MS4A14: variants seen among roughly 807,000 people sequenced by gnomAD.
MS4A14 encodes membrane spanning 4-domains A14.
A neutral mutation model predicts 16.7 loss-of-function variants in MS4A14; 18 were observed. The ratio of observed to expected loss-of-function variants is 1.08; its 90% CI spans 0.75 to 1.60. The LOEUF (loss-of-function observed/expected upper bound fraction) is 1.60, where lower values mean the gene tolerates loss of function less well. Ranked by LOEUF, MS4A14 falls within the 40% of genes most tolerant of loss-of-function variation. The pLI is 0.00. For missense variants in MS4A14, 812 were observed against 775.3 expected (o/e 1.05, Z -0.56); for synonymous variants, 305 against 289.4 (o/e 1.05, Z -0.55).
intron 4 of MS4A14, among the ~76,000 whole-genome samples, chr11:60,409,194 C>T (rs753700609): frequency 3.3e-5 from 5 of 152,186 alleles, no homozygotes; most frequent in African/African-American, 7.2e-5. Context: ...ATATACACTA[C>T]GTTGTAATTT....
At chr11:60,397,456 G>C (rs1367269687) in intron 1 of MS4A14, among the ~76,000 whole-genome samples, 4 of 152,086 alleles carry the variant, frequency 2.6e-5, no homozygotes, top group Non-Finnish European at 5.9e-5. Context: ...GGTGGGGGCT[G>C]TTAGGATAAT....
intron 4 of MS4A14, among the ~76,000 whole-genome samples, chr11:60,409,320 C>T (rs891933669): frequency 1.6e-4 from 24 of 151,990 alleles, no homozygotes; most frequent in African/African-American, 5.6e-4. Context: ...GTCCTCCCAT[C>T]CTCCCTACCT....
rs2085652453 is a variant in MS4A14 at position 60,397,890 on chromosome 11, TG to T, written c.179del (p.Gly60GlufsTer39). 3 of 1,613,144 alleles carry T rather than the reference TG, an allele frequency of 1.9e-6. No homozygotes were observed. ...TGCTTGCTCTAATCATTGTGGGCTTTGGAACTATATTTGCACTTAATTACAT... is the reference window on the plus strand; with the variant it reads ...TGCTTGCTCTAATCATTGTGGGCTTTGAACTATATTTGCACTTAATTACAT... ...ILLALIIVGF[G>X]TIFALNYIGF... On this transcript the variant is annotated frameshift_variant, in exon 2 of 5. Transcript: ENST00000300187. LOFTEE classifies it high-confidence loss of function.
chr11:60,405,747 T>C, intron 4 of MS4A14: 1 of 560,386 alleles, frequency 1.8e-6, no homozygotes, highest in Non-Finnish European at 3.1e-6. Context: ...AGATGAAAAT[T>C]GTGCAGTGTC....
At chr11:60,414,671 A>G (rs891340156) in intron 4 of MS4A14, among the ~76,000 whole-genome samples, 3 of 152,120 alleles carry the variant, frequency 2.0e-5, no homozygotes, top group African/African-American at 7.2e-5. Context: ...TTGTAAAGGA[A>G]AGTCCAAATT....
rs768842124 is a variant in MS4A14 at position 60,416,868 on chromosome 11, G to A, written c.1900G>A (p.Glu634Lys). The part of the protein sequence containing the change: ...VQAEGQQAQV[E>K]KVPKLLCQDS... ...AGCCGAAGGACAGCAAGCTCAGGTG[G>A]AGAAAGTGCCAAAACTGTTATGCCA... Residue 634 changes from glutamate to lysine, a missense_variant, in exon 5 of 5, where the codon GAG (glutamate) becomes AAG (lysine). Transcript: ENST00000300187. 1 of 1,613,728 alleles carries A rather than the reference G, an allele frequency of 6.2e-7. No individual in the cohort carries two copies. The highest frequency in any genetic ancestry group is 8.5e-7 in the Non-Finnish European group (1 of 1,179,796).
chr11:60,415,451 G>C lies in MS4A14; in HGVS notation c.483G>C (p.Leu161Phe). ...TGCTTTTATAGGTTCTGTTTTTCTT[G>C]CCTTCGGATGTTACTCAAAATAGTG... ...SRTLFIVLFF[L>F]PSDVTQNSEQ... is the part of the protein sequence containing the mutation. Residue 161 changes from leucine (L) to phenylalanine (F), a missense_variant, in exon 5 of 5, where the codon TTG becomes TTC. Leu to Phe is a conservative substitution (Grantham distance 22). Transcript: ENST00000300187. The C allele has an allele frequency of 6.2e-7, 1 of 1,602,908 alleles. No individual in the cohort carries two copies. The highest frequency in any genetic ancestry group is 8.5e-7 in the Non-Finnish European group (1 of 1,175,788).
In MS4A14 at chr11:60,416,179, A is replaced by G. The variant is rs1328913839; in HGVS notation, c.1211A>G (p.Asp404Gly). 6.2e-7 allele frequency: 1 copy of G among 1,613,666 alleles called. No homozygotes were observed. Among genetic ancestry groups the G allele is most frequent in the Non-Finnish European group, 8.5e-7 (1 of 1,179,864 alleles). ...CCACCTCAAGACATACCTTCCCAAG[A>G]TATGCTATCCCAAGCTCTATCAGCG... Reference protein sequence around the residue: ...AMPPQDIPSQDMLSQALSAHA... With the variant: ...AMPPQDIPSQGMLSQALSAHA... Residue 404 changes from aspartate (D) to glycine (G), a missense_variant, in exon 5 of 5, where the codon GAT becomes GGT. Physicochemically the swap from Asp to Gly is moderately conservative, Grantham distance 94 (BLOSUM62 -1). Transcript: ENST00000300187.
At position 60,417,117 on chromosome 11, in the gene MS4A14, T is replaced by G; in HGVS notation, c.*109T>G. ...AAAGAAGCCCTAAAGCAGAAAGCTC[T>G]ATACCAAGAAGTCCAAACCCAGCAC... On this transcript the variant is annotated 3_prime_UTR_variant, in exon 5 of 5. Coordinates refer to ENST00000300187, the MANE Select transcript of MS4A14 (RefSeq NM_032597.5). 2 of 1,396,208 alleles carry G rather than the reference T, an allele frequency of 1.4e-6. No individual in the cohort carries two copies. Among genetic ancestry groups the G allele is most frequent in the Non-Finnish European group, 1.9e-6 (2 of 1,054,510 alleles). 86.5% of individuals were successfully genotyped at this position (1,396,208 alleles called of 1,614,324 possible). A position where few individuals can be genotyped will look rare whatever the true frequency, so the allele number is the denominator to read the frequency against.
intron 2 of MS4A14, 92 bp from the exon 3 acceptor site, chr11:60,400,312 A>G: frequency 1.3e-6 from 1 of 799,154 alleles, no homozygotes; most frequent in South Asian, 1.8e-5. Context: ...TTGGAGATTC[A>G]CAAACAGATA....
At chr11:60,406,209 A>G (rs2085784122) in intron 4 of MS4A14, among the ~76,000 whole-genome samples, 1 of 152,192 alleles carries the variant, frequency 6.6e-6, no homozygotes, top group African/African-American at 2.4e-5. Context: ...TATCTGCTTT[A>G]TACTCAGTCA....
chr11:60,409,678 T>C (rs1456842099), intron 4 of MS4A14, among the ~76,000 whole-genome samples: 1 of 151,536 alleles, frequency 6.6e-6, no homozygotes, highest in Non-Finnish European at 1.5e-5. Flanking sequence ...CTGCAGTAAA[T>C]ATGGGAGTAC....
At chr11:60,400,104 G>A (rs1450691138) in intron 2 of MS4A14, among the ~76,000 whole-genome samples, 1 of 152,266 alleles carries the variant, frequency 6.6e-6, no homozygotes, top group South Asian at 2.1e-4. Context: ...AAGGCCCAGA[G>A]CTCAGGAATC....
chr11:60,396,784 T>C lies in MS4A14; in HGVS notation c.138+68T>C. ...AGAAGTTTATTTATTCATGTATGTC[T>C]GCAGAGATATGCAGAGATTATTTTC... On this transcript the variant is annotated intron_variant, in intron 1 of 4. Transcript: ENST00000300187. 5 of 1,401,894 alleles carry C rather than the reference T, an allele frequency of 3.6e-6. No individual in the cohort carries two copies. In the South Asian group the frequency reaches 7.1e-5, roughly 20 times the overall value. The allele number at this position is 1,401,894 out of a possible 1,614,324, so 86.8% of individuals were successfully genotyped here.
rs369619070 is a variant in MS4A14 at position 60,416,236 on chromosome 11, A to G, written c.1268A>G (p.His423Arg). The change falls in exon 5 of 5, where the codon CAT (histidine) becomes CGT (arginine). Residue 423 changes from histidine to arginine, a missense_variant. His to Arg is a conservative substitution (Grantham distance 29). Coordinates refer to ENST00000300187, the MANE Select transcript of MS4A14 (RefSeq NM_032597.5). ...HAILPEASTS[H>R]IVQFPEIQHL... ...ATATTACCTGAAGCCTCAACATCCC[A>G]TATTGTGCAGTTCCCTGAAATACAA... The G allele has an allele frequency of 4.3e-6, 7 of 1,613,950 alleles. No individual in the cohort carries two copies. The highest frequency in any genetic ancestry group is 4.2e-6 in the Non-Finnish European group (5 of 1,179,944).
chr11:60,396,726 C>T lies in MS4A14; in HGVS notation c.138+10C>T, dbSNP rs753807101. ...GCCAAGAGTCTTGGGGGTAAGTCCT[C>T]TCCAGTCAATAGGTCTTCCAGAAGG... On this transcript the variant is annotated intron_variant, in intron 1 of 4. Coordinates refer to ENST00000300187, the MANE Select transcript of MS4A14 (RefSeq NM_032597.5). 4 of 1,612,346 alleles carry T rather than the reference C, an allele frequency of 2.5e-6. No homozygotes were observed. The East Asian group carries it at 8.9e-5, about 36-fold the overall frequency.
intron 2 of MS4A14, 96 bp downstream of exon 2, chr11:60,398,076 C>CGG: frequency 2.2e-6 from 3 of 1,362,142 alleles, no homozygotes; most frequent in Non-Finnish European, 2.0e-6. Context: ...AAATATGGCC[C>CGG]TCCAGGAGAC....
chr11:60,409,710 C>G (rs1050535589), intron 4 of MS4A14, among the ~76,000 whole-genome samples: 1 of 151,644 alleles, frequency 6.6e-6, no homozygotes, highest in Non-Finnish European at 1.5e-5. Context: ...CAACTGTCTT[C>G]ATTTCCTTTG....
At chr11:60,398,539 C>T (rs1483508238) in intron 2 of MS4A14, among the ~76,000 whole-genome samples, 1 of 152,152 alleles carries the variant, frequency 6.6e-6, no homozygotes, top group Non-Finnish European at 1.5e-5. Context: ...TATTTAAGGA[C>T]AGACTCATTA....
Sources: allele counts gnomAD v4.1 joint callset (sites outside exome capture counted in the v4.1 genomes callset), GRCh38; gene constraint gnomAD v4.1.1; transcripts MANE v1.5; gene names NCBI Gene and HGNC (gene_info 2026-07-23, HGNC 2026-07-21).